CMTM7: variants seen among roughly 807,000 people sequenced by gnomAD.
CMTM7 encodes CKLF like MARVEL transmembrane domain containing 7, also known as CKLF-like MARVEL transmembrane domain-containing protein 7.
CMTM7 carries 7 observed loss-of-function variants against 19.3 expected under a neutral mutation model. The observed-to-expected ratio is 0.36, with a 90% CI of 0.21 to 0.68. The LOEUF is 0.68. CMTM7 is among the 30% of genes least tolerant of loss of function. The pLI is 0.60. For missense variants in CMTM7, 193 were observed against 232.6 expected (o/e 0.83, Z 1.11); for synonymous variants, 87 against 99.3 (o/e 0.88, Z 0.74).
In CMTM7 at chr3:32,446,548, C is replaced by A. The variant is rs371365687; in HGVS notation, c.334-2906C>A. 8.6e-5 allele frequency among the ~76,000 whole-genome samples: 13 copies of A among 151,786 alleles called. No homozygotes were observed. In the East Asian group the frequency reaches 9.7e-4, roughly 11 times the overall value. Reference sequence around the variant, plus strand: ...CTTGCCTTAGGTTTAGTTTGATCTTCTTTTCCTAGTGTCTTAATGTATAAT... The same window carrying A: ...CTTGCCTTAGGTTTAGTTTGATCTTATTTTCCTAGTGTCTTAATGTATAAT... On this transcript the variant is annotated intron_variant, in intron 2 of 4. Coordinates refer to ENST00000334983, the MANE Select transcript of CMTM7 (RefSeq NM_138410.4).
chr3:32,411,942 G>T (rs1214433699), intron 1 of CMTM7, among the ~76,000 whole-genome samples: 2 of 152,164 alleles, frequency 1.3e-5, no homozygotes, highest in Non-Finnish European at 2.9e-5. Context: ...AGGTGGAAGG[G>T]TGTCCTGGAG....
At chr3:32,419,688 A>G (rs1431851629) in intron 1 of CMTM7, among the ~76,000 whole-genome samples, 1 of 152,244 alleles carries the variant, frequency 6.6e-6, no homozygotes, top group Non-Finnish European at 1.5e-5. Context: ...CATTTGAAAC[A>G]TTTGGAAGTA....
chr3:32,435,623 G>A (rs1181647632), intron 1 of CMTM7, among the ~76,000 whole-genome samples: 1 of 152,082 alleles, frequency 6.6e-6, no homozygotes, highest in Non-Finnish European at 1.5e-5. Context: ...GGTAAAGGCT[G>A]GCATCTCGTA....
chr3:32,430,612 G>A (rs966814680), intron 1 of CMTM7, among the ~76,000 whole-genome samples: 1 of 151,684 alleles, frequency 6.6e-6, no homozygotes, highest in African/African-American at 2.4e-5. Flanking sequence ...AGGCAGCCTC[G>A]ATGGGATGTG....
intron 1 of CMTM7, among the ~76,000 whole-genome samples, chr3:32,424,616 C>T (rs1430898969): frequency 1.3e-5 from 2 of 149,054 alleles, no homozygotes; most frequent in Non-Finnish European, 3.0e-5. Context: ...CTCTCCCAGA[C>T]CACTGAGCCC....
intron 1 of CMTM7, among the ~76,000 whole-genome samples, chr3:32,427,210 G>T (rs1696446130): frequency 6.6e-6 from 1 of 152,236 alleles, no homozygotes; most frequent in Non-Finnish European, 1.5e-5. Flanking sequence ...GACTTCTCCA[G>T]ACTAGCTGAG....
In CMTM7 at chr3:32,438,581, G is replaced by T. The variant is rs1055759718; in HGVS notation, c.160-3259G>T. ...GCAAAAAGGAAGCTTTTAGGAGCAC[G>T]CATAAGCACACACCATACTCTGGCT... is the stretch of plus-strand genomic sequence containing the variant. On this transcript the variant is annotated intron_variant, in intron 1 of 4. Transcript: ENST00000334983. Among the ~76,000 whole-genome samples the T allele has an allele frequency of 5.3e-5, 8 of 152,170 alleles. No homozygotes were observed. The East Asian group carries it at 1.5e-3, about 29-fold the overall frequency.
intron 1 of CMTM7, among the ~76,000 whole-genome samples, chr3:32,440,067 GCATACACACACACA>G (rs1177897044): frequency 6.3e-5 from 8 of 127,508 alleles, no homozygotes; most frequent in Non-Finnish European, 1.3e-4. Context: ...AACACCACAC[GCATACACACACACA>G]CACACACACA....
Position 32,452,458 on chromosome 3 carries a change from G to T in CMTM7, c.499G>T (p.Val167Leu). The T allele has an allele frequency of 6.2e-7, 1 of 1,614,130 alleles. No individual in the cohort carries two copies. Residue 167 changes from valine to leucine, a missense_variant, in exon 4 of 5, where the codon GTA (valine) becomes TTA (leucine). Coordinates refer to ENST00000334983, the MANE Select transcript of CMTM7 (RefSeq NM_138410.4). ...SIWLSYKISC[V>L]TQSTDAAV ...ATGGCTGTCCTATAAGATCTCGTGT[G>T]TAACCCAGTCCACAGGTGAGTTCTG...
chr3:32,433,408 A>G (rs747568767), intron 1 of CMTM7, among the ~76,000 whole-genome samples: 1 of 152,204 alleles, frequency 6.6e-6, no homozygotes, highest in Non-Finnish European at 1.5e-5. Flanking sequence ...TTGAATAACA[A>G]GCAGAGAATG....
intron 1 of CMTM7, among the ~76,000 whole-genome samples, chr3:32,424,345 C>T (rs1018068697): frequency 3.3e-5 from 5 of 152,198 alleles, no homozygotes; most frequent in Admixed American, 6.5e-5. Flanking sequence ...TTGCAGATCA[C>T]GTCGTGTCAC....
chr3:32,427,783 T>A (rs1438926630), intron 1 of CMTM7, among the ~76,000 whole-genome samples: 1 of 152,160 alleles, frequency 6.6e-6, no homozygotes, highest in Non-Finnish European at 1.5e-5. Flanking sequence ...GGGTCACGCA[T>A]GGGAAAGTAG....
At chr3:32,398,049 G>A (rs990223178) in intron 1 of CMTM7, among the ~76,000 whole-genome samples, 3 of 152,136 alleles carry the variant, frequency 2.0e-5, no homozygotes, top group African/African-American at 7.2e-5. Context: ...TACCCCTTTG[G>A]TGCCTTTATT....
chr3:32,452,514 CAG>C, intron 4 of CMTM7, 41 bp downstream of exon 4: 1 of 1,595,830 alleles, frequency 6.3e-7, no homozygotes, highest in Non-Finnish European at 8.6e-7. Context: ...CTCTCAGGAA[CAG>C]GGGGATGGCT....
chr3:32,415,240 GA>G (rs916423835), intron 1 of CMTM7, among the ~76,000 whole-genome samples: 2 of 151,998 alleles, frequency 1.3e-5, no homozygotes, highest in Non-Finnish European at 2.9e-5. Flanking sequence ...GGGGCCCAGG[GA>G]CCTGCATTTT....
At chr3:32,434,601 C>CTTT (rs1205392102) in intron 1 of CMTM7, among the ~76,000 whole-genome samples, 3 of 28,968 alleles carry the variant, frequency 1.0e-4, no homozygotes, top group Non-Finnish European at 2.6e-4. Context: ...TGCCTCTTTT[C>CTTT]TTTTCTTTTT....
intron 1 of CMTM7, among the ~76,000 whole-genome samples, chr3:32,402,685 G>C (rs1246773637): frequency 1.3e-5 from 2 of 152,090 alleles, no homozygotes; most frequent in African/African-American, 4.8e-5. Flanking sequence ...TCCTGCCTCA[G>C]CCTCCCAAGT....
At chr3:32,446,355 C>T (rs1328891506) in intron 2 of CMTM7, among the ~76,000 whole-genome samples, 2 of 152,134 alleles carry the variant, frequency 1.3e-5, no homozygotes, top group Non-Finnish European at 2.9e-5. Context: ...AATGTTTCCT[C>T]TTTCGTTTGC....
chr3:32,416,361 A>ATTTTT lies in CMTM7; in HGVS notation c.159+24328_159+24332dup, dbSNP rs58085712. Among the ~76,000 whole-genome samples, 20 of 72,418 alleles carry ATTTTT rather than the reference A, an allele frequency of 2.8e-4. 1 individual carries two copies. The highest frequency in any genetic ancestry group is 7.6e-4 in the African/African-American group (13 of 17,006). The allele number at this position is 72,418 out of a possible 152,430, so 47.5% of individuals were successfully genotyped here. A position where few individuals can be genotyped will look rare whatever the true frequency, so the allele number is the denominator to read the frequency against. ...CAGACGTGCGCCACCATCCGGGCTAATTTTTTTTTTTTTTTTTTTTTTTTT... is the reference window on the plus strand; with the variant it reads ...CAGACGTGCGCCACCATCCGGGCTAATTTTTTTTTTTTTTTTTTTTTTTTTTTTTT... On this transcript the variant is annotated intron_variant, in intron 1 of 4. Transcript: ENST00000334983.
Sources: allele counts gnomAD v4.1 joint callset (sites outside exome capture counted in the v4.1 genomes callset), GRCh38; gene constraint gnomAD v4.1.1; transcripts MANE v1.5; gene names NCBI Gene and HGNC (gene_info 2026-07-23, HGNC 2026-07-21).